The following MARCHF3 variants were observed in gnomAD, a reference collection of about 807,000 sequenced individuals.
MARCHF3 encodes membrane associated ring-CH-type finger 3, also known as E3 ubiquitin-protein ligase MARCHF3.
Under a neutral mutation model 24.2 loss-of-function variants are expected in MARCHF3, and 13 were observed. The observed-to-expected ratio is 0.54, with a 90% CI of 0.35 to 0.85. The LOEUF is 0.85. Ranked by LOEUF, MARCHF3 falls within the 40% of genes least tolerant of loss-of-function variation. The pLI, the probability that MARCHF3 is intolerant of heterozygous loss-of-function variation, is 0.01. For synonymous variants in MARCHF3, 144 were observed against 137.3 expected (o/e 1.05, Z -0.34); for missense variants, 276 against 325.0 (o/e 0.85, Z 1.16).
At chr5:126,971,578 C>T (rs1418624102) in intron 1 of MARCHF3, among the ~76,000 whole-genome samples, 3 of 152,172 alleles carry the variant, frequency 2.0e-5, no homozygotes, top group Non-Finnish European at 4.4e-5. Context: ...AGGCCTCTCT[C>T]CCAGAGATCA....
chr5:126,888,673 A>G (rs1753574532), intron 3 of MARCHF3, among the ~76,000 whole-genome samples: 1 of 152,250 alleles, frequency 6.6e-6, no homozygotes, highest in African/African-American at 2.4e-5. Flanking sequence ...CAGAATGGAG[A>G]GCAAGGAAAC....
chr5:126,963,948 C>T (rs979706631), intron 1 of MARCHF3, among the ~76,000 whole-genome samples: 27 of 152,098 alleles, frequency 1.8e-4, no homozygotes, highest in Non-Finnish European at 8.8e-5. Flanking sequence ...TACCATGGGC[C>T]GTATTTGTCT....
intron 3 of MARCHF3, among the ~76,000 whole-genome samples, chr5:126,881,569 A>G (rs1010375641): frequency 2.0e-5 from 3 of 152,234 alleles, no homozygotes; most frequent in Admixed American, 1.3e-4. Context: ...AATACCATAC[A>G]TTAATAGCAA....
At chr5:126,948,443 A>G (rs1456533293) in intron 1 of MARCHF3, among the ~76,000 whole-genome samples, 1 of 152,246 alleles carries the variant, frequency 6.6e-6, no homozygotes, top group Non-Finnish European at 1.5e-5. Context: ...TGTGTGCCCC[A>G]CACTAGGATT....
chr5:126,926,124 T>C (rs568221671), intron 1 of MARCHF3, among the ~76,000 whole-genome samples: 42 of 152,356 alleles, frequency 2.8e-4, no homozygotes, highest in African/African-American at 1.0e-3. Context: ...CTCACTTTCC[T>C]CTGCATAAGC....
At position 126,918,064 on chromosome 5, in the gene MARCHF3, C is replaced by A; in HGVS notation, c.108G>T (p.Gly36=). 6.2e-7 allele frequency: 1 copy of A among 1,614,190 alleles called. No individual in the cohort carries two copies. The highest frequency in any genetic ancestry group is 8.5e-7 in the Non-Finnish European group (1 of 1,180,032). The change falls in exon 2 of 5, where the codon GGG becomes GGT. Residue 36 remains glycine, a synonymous_variant. Coordinates refer to ENST00000308660, the MANE Select transcript of MARCHF3 (RefSeq NM_178450.5). ...AAACTTGCATGACATACTGCGGCTG[C>A]CCATTCACTAGGCTGCCACAATCCT... ...TVEDCGSLVN[G]QPQYVMQVSA...
At chr5:126,966,798 G>A (rs1297750052) in intron 1 of MARCHF3, among the ~76,000 whole-genome samples, 2 of 151,674 alleles carry the variant, frequency 1.3e-5, no homozygotes, top group Non-Finnish European at 2.9e-5. Context: ...GTTTATTACG[G>A]CACAGAGGCT....
At chr5:126,943,559 G>A (rs1235333430) in intron 1 of MARCHF3, among the ~76,000 whole-genome samples, 2 of 151,302 alleles carry the variant, frequency 1.3e-5, no homozygotes, top group Admixed American at 6.6e-5. Context: ...CTCCATCCTG[G>A]GTGACAGAAA....
chr5:127,022,347 TG>T (rs2126864535), intron 1 of MARCHF3, among the ~76,000 whole-genome samples: 1 of 152,270 alleles, frequency 6.6e-6, no homozygotes, highest in South Asian at 2.1e-4. Flanking sequence ...TTTTATAAAG[TG>T]GAGTTCTTAC....
At chr5:126,903,466 G>A (rs941616732) in intron 3 of MARCHF3, among the ~76,000 whole-genome samples, 1 of 152,002 alleles carries the variant, frequency 6.6e-6, no homozygotes, top group East Asian at 1.9e-4. Context: ...AGAATGGAGT[G>A]GTGGTCCTCA....
At chr5:126,871,456 G>A (rs1752962078) in intron 4 of MARCHF3, among the ~76,000 whole-genome samples, 1 of 152,118 alleles carries the variant, frequency 6.6e-6, no homozygotes. Flanking sequence ...GACTCCCTTG[G>A]GTGCCCACTG....
intron 1 of MARCHF3, among the ~76,000 whole-genome samples, chr5:126,931,910 G>A (rs77016412): frequency 0.017 from 2,620 of 152,310 alleles, 36 homozygotes; most frequent in Non-Finnish European, 0.025. Flanking sequence ...GCATGTGAGC[G>A]TTGGAGTTAG....
At chr5:126,920,324 G>A (rs965641054) in intron 1 of MARCHF3, among the ~76,000 whole-genome samples, 5 of 152,100 alleles carry the variant, frequency 3.3e-5, no homozygotes, top group African/African-American at 1.2e-4. Context: ...CTAAAACTGT[G>A]CATAACTACT....
Position 126,878,303 on chromosome 5 carries a change from G to A in MARCHF3, c.485C>T (p.Ser162Leu), listed in dbSNP as rs758617258. ...FLFITPLATI[S>L]GWLCLRGAVD... ...GGCGCCCCGCAGGCACAGCCAGCCC[G>A]AGATGGTGGCCAGGGGAGTTATAAA... is the stretch of plus-strand genomic sequence containing the variant. Residue 162 changes from serine (S) to leucine (L), a missense_variant, in exon 4 of 5, where the codon TCG (serine) becomes TTG (leucine). Transcript: ENST00000308660. The A allele has an allele frequency of 8.7e-6, 14 of 1,614,122 alleles. No individual in the cohort carries two copies. The highest frequency in any genetic ancestry group is 5.0e-5 in the Admixed American group (3 of 60,002).
intron 1 of MARCHF3, among the ~76,000 whole-genome samples, chr5:126,949,296 C>T (rs1201367471): frequency 2.0e-5 from 3 of 152,160 alleles, no homozygotes; most frequent in Non-Finnish European, 4.4e-5. Flanking sequence ...AAGATCATAA[C>T]ACACAGATCA....
intron 1 of MARCHF3, among the ~76,000 whole-genome samples, chr5:126,923,486 G>C (rs6860726): frequency 0.48 from 73,668 of 152,006 alleles, 18,346 homozygotes; most frequent in East Asian, 0.67. Flanking sequence ...GTGCTGGCTG[G>C]CACTGACATG....
Position 126,918,202 on chromosome 5 carries a change from C to T in MARCHF3, c.-31G>A. ...CAGACAGCAATTACTCTGCTAATGG[C>T]TTCCACATTCATACAGGATTTCCAT... is the stretch of plus-strand genomic sequence containing the variant. On this transcript the variant is annotated 5_prime_UTR_variant, in exon 2 of 5. Transcript: ENST00000308660. The T allele has an allele frequency of 3.1e-6, 5 of 1,593,476 alleles. No individual in the cohort carries two copies. The highest frequency in any genetic ancestry group is 1.1e-5 in the South Asian group (1 of 88,202).
intron 3 of MARCHF3, among the ~76,000 whole-genome samples, chr5:126,886,297 C>T (rs577773490): frequency 6.6e-6 from 1 of 152,292 alleles, no homozygotes; most frequent in African/African-American, 2.4e-5. Context: ...TTTTCACTTA[C>T]TTTCACACTA....
chr5:126,943,875 G>A (rs1030596574), intron 1 of MARCHF3, among the ~76,000 whole-genome samples: 2 of 151,848 alleles, frequency 1.3e-5, no homozygotes, highest in East Asian at 1.9e-4. Context: ...CCAGTGGTGC[G>A]ATCTTGGCTC....
Sources: gnomAD v4.1 joint callset for allele counts (sites outside exome capture counted in the v4.1 genomes callset) on GRCh38, gnomAD v4.1.1 for gene constraint, MANE v1.5 for transcripts, NCBI Gene and HGNC (gene_info 2026-07-23, HGNC 2026-07-21) for gene names.